NKAIN2: variants seen among roughly 807,000 people sequenced by gnomAD.
NKAIN2 encodes the protein sodium/potassium transporting ATPase interacting 2, also known as sodium/potassium-transporting ATPase subunit beta-1-interacting protein 2.
In NKAIN2, 14 loss-of-function variants were observed where a neutral mutation model predicts 32.6. The ratio of observed to expected loss-of-function variants is 0.43; its 90% CI spans 0.28 to 0.67. The LOEUF (loss-of-function observed/expected upper bound fraction) is 0.67. NKAIN2 is among the 30% of genes least tolerant of loss of function. NKAIN2 has a pLI of 0.17. For synonymous variants in NKAIN2, 80 were observed against 87.2 expected (o/e 0.92, Z 0.46); for missense variants, 198 against 258.3 (o/e 0.77, Z 1.60).
intron 1 of NKAIN2, among the ~76,000 whole-genome samples, chr6:124,235,205 G>A (rs1178365348): frequency 6.6e-6 from 1 of 151,972 alleles, no homozygotes; most frequent in Non-Finnish European, 1.5e-5. Context: ...TCACTTTTTG[G>A]AAAAAGTACA....
At chr6:124,009,577 C>T (rs1780229805) in intron 1 of NKAIN2, among the ~76,000 whole-genome samples, 1 of 152,100 alleles carries the variant, frequency 6.6e-6, no homozygotes. Flanking sequence ...TGTTCACGTT[C>T]CAAATGGGTA....
chr6:124,630,686 C>A (rs1465267665), intron 3 of NKAIN2, among the ~76,000 whole-genome samples: 5 of 152,076 alleles, frequency 3.3e-5, no homozygotes, highest in African/African-American at 7.2e-5. Context: ...AATATTTTTA[C>A]TCTTTTTTCT....
chr6:124,474,950 A>G (rs1180086076), intron 3 of NKAIN2, among the ~76,000 whole-genome samples: 1 of 141,626 alleles, frequency 7.1e-6, no homozygotes, highest in Non-Finnish European at 1.6e-5. Context: ...TATCATATAT[A>G]CATATATATA....
At chr6:123,879,184 A>G (rs1332638333) in intron 1 of NKAIN2, among the ~76,000 whole-genome samples, 2 of 152,090 alleles carry the variant, frequency 1.3e-5, no homozygotes, top group African/African-American at 4.8e-5. Flanking sequence ...GGGGCTAGAA[A>G]GTCATCACAG....
intron 1 of NKAIN2, among the ~76,000 whole-genome samples, chr6:124,141,631 G>A (rs1035243202): frequency 3.3e-5 from 5 of 151,874 alleles, no homozygotes; most frequent in Non-Finnish European, 7.4e-5. Context: ...GGGTTCAGGA[G>A]TTTTGCTGGG....
chr6:124,359,941 T>C (rs1456809184), intron 3 of NKAIN2, among the ~76,000 whole-genome samples: 6 of 152,178 alleles, frequency 3.9e-5, no homozygotes, highest in Admixed American at 2.6e-4. Flanking sequence ...TTTTGAGATA[T>C]GTCCCATCAA....
At chr6:124,572,239 A>T (rs1327728085) in intron 3 of NKAIN2, among the ~76,000 whole-genome samples, 2 of 152,212 alleles carry the variant, frequency 1.3e-5, no homozygotes, top group Non-Finnish European at 2.9e-5. Flanking sequence ...GCCACCTGCT[A>T]CAGTCAGTCC....
chr6:124,435,125 A>G (rs1775382911), intron 3 of NKAIN2, among the ~76,000 whole-genome samples: 1 of 152,174 alleles, frequency 6.6e-6, no homozygotes, highest in East Asian at 1.9e-4. Flanking sequence ...GAAGTCAAAG[A>G]CATTTTTCTG....
chr6:124,257,224 A>G (rs1793993262), intron 1 of NKAIN2, among the ~76,000 whole-genome samples: 3 of 152,214 alleles, frequency 2.0e-5, no homozygotes, highest in African/African-American at 7.2e-5. Context: ...CCAAAGGGTA[A>G]AACATTCTCT....
chr6:124,478,882 A>G (rs1408964632), intron 3 of NKAIN2, among the ~76,000 whole-genome samples: 1 of 152,134 alleles, frequency 6.6e-6, no homozygotes, highest in Non-Finnish European at 1.5e-5. Context: ...TTTACAGTGG[A>G]GAAACCTGAA....
chr6:123,983,816 G>T (rs1779013050), intron 1 of NKAIN2, among the ~76,000 whole-genome samples: 1 of 151,900 alleles, frequency 6.6e-6, no homozygotes, highest in Non-Finnish European at 1.5e-5. Context: ...GAAATTTTAT[G>T]CAGTTGTTCT....
chr6:124,001,720 A>G (rs898463468), intron 1 of NKAIN2, among the ~76,000 whole-genome samples: 38 of 150,870 alleles, frequency 2.5e-4, no homozygotes, highest in African/African-American at 9.0e-4. Flanking sequence ...ACATAAAAAC[A>G]AGTGGATTCT....
chr6:123,824,743 G>A (rs938652661), intron 1 of NKAIN2, among the ~76,000 whole-genome samples: 3 of 146,970 alleles, frequency 2.0e-5, no homozygotes, highest in African/African-American at 5.3e-5. Flanking sequence ...AAAAAAAAAA[G>A]AAAAAGAAAA....
chr6:124,789,747 T>C (rs1047083779), intron 4 of NKAIN2, among the ~76,000 whole-genome samples: 1 of 152,082 alleles, frequency 6.6e-6, no homozygotes, highest in Non-Finnish European at 1.5e-5. Flanking sequence ...CCTTGATGAC[T>C]CTATTATATA....
chr6:124,518,018 ATTTAT>A (rs1293829733), intron 3 of NKAIN2, among the ~76,000 whole-genome samples: 1 of 152,132 alleles, frequency 6.6e-6, no homozygotes, highest in Non-Finnish European at 1.5e-5. Flanking sequence ...ATTTATCAAC[ATTTAT>A]TTTAGGATTT....
chr6:124,355,141 G>T, intron 2 of NKAIN2, 126 bp from the exon 3 acceptor site: 2 of 624,360 alleles, frequency 3.2e-6, no homozygotes, highest in Non-Finnish European at 5.7e-6. Context: ...CTGTTCCTTA[G>T]AGAGAAGCAA....
At chr6:124,378,232 A>G (rs148981385) in intron 3 of NKAIN2, among the ~76,000 whole-genome samples, 322 of 152,264 alleles carry the variant, frequency 2.1e-3, no homozygotes, top group African/African-American at 6.5e-3. Context: ...CTCACACTCC[A>G]TGAAGTGGGC....
chr6:124,355,198 G>A (rs41284442), intron 2 of NKAIN2, 69 bp from the exon 3 acceptor site: 29 of 1,038,198 alleles, frequency 2.8e-5, no homozygotes, highest in African/African-American at 9.5e-5. Context: ...GCGAAAGTTC[G>A]TTTTATTTGA....
rs1779259160 is a variant in NKAIN2, at chr6:124,781,397, AAT to A, written c.475-9938_475-9937del. The stretch of plus-strand genomic sequence containing the variant: ...TGTAAAGATGTTACCACATGCCCAG[AAT>A]ATAGTGAACAGTAATGGCAGCTATT... On this transcript the variant is annotated intron_variant, in intron 4 of 6. Coordinates refer to ENST00000368417, the MANE Select transcript of NKAIN2 (RefSeq NM_001040214.3). 2.6e-5 allele frequency among the ~76,000 whole-genome samples: 4 copies of A among 152,118 alleles called. No individual in the cohort carries two copies. The South Asian group carries it at 8.3e-4, about 32-fold the overall frequency.
Sources: allele counts gnomAD v4.1 joint callset (sites outside exome capture counted in the v4.1 genomes callset), GRCh38; gene constraint gnomAD v4.1.1; transcripts MANE v1.5; gene names NCBI Gene and HGNC (gene_info 2026-07-23, HGNC 2026-07-21).